The following ESD variants were observed in gnomAD, a reference collection of about 807,000 sequenced individuals.
The protein encoded by ESD is esterase D, also known as S-formylglutathione hydrolase.
Under a neutral mutation model 38.1 loss-of-function variants are expected in ESD, and 34 were observed. The ratio of observed to expected loss-of-function variants is 0.89; its 90% CI spans 0.68 to 1.19. The LOEUF is 1.19. ESD is among the 50% of genes most tolerant of loss of function. The pLI, the probability that ESD is intolerant of heterozygous loss-of-function variation, is 0.00. For synonymous variants in ESD, 97 were observed against 107.0 expected, an observed-to-expected ratio of 0.91 and a Z score of 0.58; for missense variants, 334 against 327.2, an observed-to-expected ratio of 1.02 and a Z score of -0.16.
At chr13:46,780,158 T>G in intron 7 of ESD, 125 bp from the exon 8 acceptor site, 1 of 581,610 alleles carries the variant, frequency 1.7e-6, no homozygotes, top group South Asian at 2.3e-5. Context: ...TGACTTGCCA[T>G]GAAAACCCTG....
chr13:46,791,789 A>G (rs954119107), intron 2 of ESD, among the ~76,000 whole-genome samples: 4 of 152,204 alleles, frequency 2.6e-5, no homozygotes, highest in Non-Finnish European at 5.9e-5. Context: ...ATCAACTGCA[A>G]CAAAGTAGTC....
At chr13:46,791,456 A>G (rs766511874) in intron 2 of ESD, 36 bp from the exon 3 acceptor site, 2 of 1,503,476 alleles carry the variant, frequency 1.3e-6, no homozygotes, top group Admixed American at 3.8e-5. Context: ...ATTTCCAGAG[A>G]ATTAGTTACT....
intron 4 of ESD, 93 bp from the exon 5 acceptor site, chr13:46,784,443 C>T (rs2138295626): frequency 7.1e-6 from 6 of 840,750 alleles, no homozygotes; most frequent in East Asian, 2.6e-5. Context: ...GAGACGGAGA[C>T]GGACAAGGGC....
intron 1 of ESD, among the ~76,000 whole-genome samples, chr13:46,796,685 CCCCCGAACCAGG>C (rs1875591596): frequency 6.6e-6 from 1 of 152,248 alleles, no homozygotes; most frequent in Non-Finnish European, 1.5e-5. Flanking sequence ...GGTCCACACT[CCCCCGAACCAGG>C]CGCCGGCGGC....
intron 9 of ESD, among the ~76,000 whole-genome samples, chr13:46,772,648 T>C (rs1449509219): frequency 1.3e-5 from 2 of 152,116 alleles, no homozygotes; most frequent in Non-Finnish European, 2.9e-5. Flanking sequence ...ATCCATGTGT[T>C]CTCACCATTC....
rs538728073 is a variant in ESD at position 46,781,593 on chromosome 13, T to C, written c.404A>G (p.Asn135Ser). Residue 135 changes from asparagine to serine, a missense_variant, in exon 7 of 10, where the codon AAT (asparagine) becomes AGT (serine). Coordinates refer to ENST00000378720, the MANE Select transcript of ESD (RefSeq NM_001984.2). ...CATCCTTTGGGGATCCACTGGAAAA[T>C]TGGCATTTATGAGTTGGGGAAGCTA... ...TEELPQLINA[N>S]FPVDPQRMSI... is the part of the protein sequence containing the mutation. The C allele has an allele frequency of 1.6e-5, 25 of 1,608,500 alleles. No homozygotes were observed. The highest frequency in any genetic ancestry group is 1.7e-4 in the Middle Eastern group (1 of 6,020).
At chr13:46,789,898 C>T (rs1333047476) in intron 3 of ESD, among the ~76,000 whole-genome samples, 1 of 151,898 alleles carries the variant, frequency 6.6e-6, no homozygotes, top group Admixed American at 6.6e-5. Context: ...TCACTGCAAC[C>T]TCTGCCTCCC....
At chr13:46,797,007 G>T (rs1428880772) in intron 1 of ESD, 98 bp downstream of exon 1, 2 of 152,490 alleles carry the variant, frequency 1.3e-5, no homozygotes, top group Non-Finnish European at 1.5e-5. Flanking sequence ...GCGGATACCT[G>T]CACCGCAGGA....
intron 9 of ESD, 28 bp from the exon 10 acceptor site, chr13:46,771,524 T>A (rs1324165119): frequency 6.7e-6 from 9 of 1,337,596 alleles, no homozygotes; most frequent in Non-Finnish European, 9.6e-6. Context: ...GATAAGACAT[T>A]TATCTACCAT....
At chr13:46,788,673 C>CA (rs10599927) in intron 3 of ESD, among the ~76,000 whole-genome samples, 3,342 of 82,238 alleles carry the variant, frequency 0.041, 50 homozygotes, top group African/African-American at 0.047. Context: ...TATGTAAAAG[C>CA]AAAAAAAAAA....
chr13:46,794,069 G>A (rs1264404898), intron 1 of ESD, among the ~76,000 whole-genome samples: 1 of 151,910 alleles, frequency 6.6e-6, no homozygotes, highest in East Asian at 1.9e-4. Flanking sequence ...ATATATTTAG[G>A]TTCTAGAACA....
chr13:46,790,293 C>T (rs1875350435), intron 3 of ESD, among the ~76,000 whole-genome samples: 1 of 152,072 alleles, frequency 6.6e-6, no homozygotes, highest in African/African-American at 2.4e-5. Context: ...GAGAGAAACA[C>T]TAAAAATCTA....
chr13:46,777,704 TA>T, intron 8 of ESD, 81 bp from the exon 9 acceptor site: 1 of 1,142,712 alleles, frequency 8.8e-7, no homozygotes, highest in Non-Finnish European at 1.2e-6. Context: ...AACAGAAATT[TA>T]AAGTTATTTA....
chr13:46,795,521 C>G (rs1875542119), intron 1 of ESD, among the ~76,000 whole-genome samples: 1 of 152,210 alleles, frequency 6.6e-6, no homozygotes, highest in Admixed American at 6.5e-5. Flanking sequence ...CTCATCACCC[C>G]CTGGCTGCTG....
chr13:46,794,157 C>CAAAAAAA (rs59985081), intron 1 of ESD, among the ~76,000 whole-genome samples: 1 of 146,246 alleles, frequency 6.8e-6, no homozygotes, highest in Admixed American at 6.8e-5. Flanking sequence ...CCTTCCCCTC[C>CAAAAAAA]AAAAAACAAC....
chr13:46,776,462 A>ATT (rs1452702538), intron 9 of ESD: 1 of 152,066 alleles, frequency 6.6e-6, no homozygotes, highest in African/African-American at 2.4e-5. Flanking sequence ...GGAGGTCAGT[A>ATT]TTTGCAGTTA....
chr13:46,771,413 T>A lies in ESD; in HGVS notation c.*3A>T. On this transcript the variant is annotated 3_prime_UTR_variant, in exon 10 of 10. Coordinates refer to ENST00000378720, the MANE Select transcript of ESD (RefSeq NM_001984.2). ...TGAAGAGATTCTCTTATTTGGAGTT[T>A]TTTCATGCATTCAGGTATTTAGCAT... The A allele has an allele frequency of 1.6e-5, 26 of 1,586,228 alleles. No homozygotes were observed. Among genetic ancestry groups the A allele is most frequent in the Non-Finnish European group, 2.2e-5 (26 of 1,158,170 alleles).
intron 9 of ESD, chr13:46,777,110 A>G (rs979393910): frequency 3.4e-4 from 55 of 160,780 alleles, no homozygotes; most frequent in African/African-American, 1.3e-3. Context: ...TAATTTAGGT[A>G]GAAGTTTGTC....
intron 9 of ESD, among the ~76,000 whole-genome samples, chr13:46,772,681 C>T (rs1372519960): frequency 1.3e-5 from 2 of 151,988 alleles, no homozygotes; most frequent in East Asian, 1.9e-4. Flanking sequence ...TAAGTGAGAG[C>T]ATGTGGTGTT....
Sources: allele counts gnomAD v4.1 joint callset (sites outside exome capture counted in the v4.1 genomes callset), GRCh38; gene constraint gnomAD v4.1.1; transcripts MANE v1.5; gene names NCBI Gene and HGNC (gene_info 2026-07-23, HGNC 2026-07-21).